Variants in CCDC3 observed in about 807,000 individuals in gnomAD.
CCDC3 encodes the protein coiled-coil domain-containing protein 3.
CCDC3 carries 24 observed loss-of-function variants against 21.4 expected under a neutral mutation model. That is an observed-to-expected ratio of 1.12 (90% CI 0.81 to 1.58). CCDC3 has a LOEUF of 1.58. CCDC3 is among the 40% of genes most tolerant of loss of function. The pLI, the probability that CCDC3 is intolerant of heterozygous loss-of-function variation, is 0.00. For missense variants in CCDC3, 425 were observed against 360.9 expected, an observed-to-expected ratio of 1.18 and a Z score of -1.44; for synonymous variants, 186 against 166.0, an observed-to-expected ratio of 1.12 and a Z score of -0.93.
chr10:12,907,970 C>T (rs981409939), intron 2 of CCDC3, among the ~76,000 whole-genome samples: 6 of 152,218 alleles, frequency 3.9e-5, no homozygotes, highest in African/African-American at 1.4e-4. Flanking sequence ...GCAGTAGCAG[C>T]TGGATGTGGG....
chr10:12,977,466 AT>A (rs557329367), intron 2 of CCDC3, among the ~76,000 whole-genome samples: 49 of 152,322 alleles, frequency 3.2e-4, no homozygotes, highest in African/African-American at 1.1e-3. Flanking sequence ...CCCCGACCCC[AT>A]AAAAGCTATT....
At chr10:13,094,574 A>T (rs1478633049) in intron 3 of CCDC3, among the ~76,000 whole-genome samples, 1 of 151,964 alleles carries the variant, frequency 6.6e-6, no homozygotes, top group Non-Finnish European at 1.5e-5. Flanking sequence ...ATTTTTAAAC[A>T]TGAGGCAGGC....
intron 2 of CCDC3, among the ~76,000 whole-genome samples, chr10:12,912,310 T>C (rs749996422): frequency 6.6e-6 from 1 of 152,256 alleles, no homozygotes; most frequent in Non-Finnish European, 1.5e-5. Flanking sequence ...TTTTTGGTAA[T>C]AGCCCTTCTA....
chr10:13,030,438 G>C (rs1006154060), intron 5 of CCDC3, among the ~76,000 whole-genome samples: 1 of 152,134 alleles, frequency 6.6e-6, no homozygotes, highest in Admixed American at 6.6e-5. Context: ...ATCAACTAAT[G>C]AGCAAAATAA....
chr10:13,014,927 AT>A (rs555385187), intron 5 of CCDC3, among the ~76,000 whole-genome samples: 57 of 152,284 alleles, frequency 3.7e-4, no homozygotes, highest in African/African-American at 1.3e-3. Context: ...AATAAAACAA[AT>A]CTTCGTTCAT....
At chr10:13,068,249 A>G (rs1214388729) in intron 4 of CCDC3, among the ~76,000 whole-genome samples, 1 of 152,128 alleles carries the variant, frequency 6.6e-6, no homozygotes, top group East Asian at 1.9e-4. Flanking sequence ...AAAAGGCAAC[A>G]CCCGGAAGCC....
At chr10:12,967,923 C>T (rs1051448582) in intron 2 of CCDC3, among the ~76,000 whole-genome samples, 6 of 152,158 alleles carry the variant, frequency 3.9e-5, no homozygotes, top group African/African-American at 1.2e-4. Context: ...ATAATCCCAG[C>T]GCTTTGGGAG....
chr10:12,915,129 T>C (rs960228245), intron 2 of CCDC3, among the ~76,000 whole-genome samples: 1 of 152,228 alleles, frequency 6.6e-6, no homozygotes, highest in Non-Finnish European at 1.5e-5. Context: ...TTTCCACATA[T>C]TTGGGAATTT....
chr10:12,984,166 G>C (rs1462712682), intron 2 of CCDC3, among the ~76,000 whole-genome samples: 1 of 152,036 alleles, frequency 6.6e-6, no homozygotes, highest in African/African-American at 2.4e-5. Flanking sequence ...ATGTGATAAG[G>C]GTTTAGTATC....
intron 5 of CCDC3, among the ~76,000 whole-genome samples, chr10:13,045,050 A>G (rs1044587757): frequency 6.6e-6 from 1 of 152,176 alleles, no homozygotes; most frequent in Non-Finnish European, 1.5e-5. Context: ...TTCAATTTAA[A>G]CATACACGAA....
At chr10:13,022,229 T>C (rs933550541) in intron 5 of CCDC3, among the ~76,000 whole-genome samples, 1 of 152,162 alleles carries the variant, frequency 6.6e-6, no homozygotes. Context: ...AGAAGCTATC[T>C]TCTCAAAGCA....
chr10:12,916,045 G>A (rs902332075), intron 2 of CCDC3, among the ~76,000 whole-genome samples: 1 of 152,082 alleles, frequency 6.6e-6, no homozygotes, highest in African/African-American at 2.4e-5. Flanking sequence ...CCAAGCACTC[G>A]ATTGTCCTGG....
intron 2 of CCDC3, among the ~76,000 whole-genome samples, chr10:12,931,087 T>G (rs1194611497): frequency 1.3e-5 from 2 of 151,802 alleles, no homozygotes; most frequent in Admixed American, 1.3e-4. Flanking sequence ...GGCCTGCGGC[T>G]GTAATCCCAG....
intron 3 of CCDC3, among the ~76,000 whole-genome samples, chr10:13,076,776 C>CT (rs1452013843): frequency 6.6e-6 from 1 of 152,238 alleles, no homozygotes; most frequent in East Asian, 1.9e-4. Context: ...CAACTTCCTC[C>CT]TTTCCCTTGT....
In CCDC3 at chr10:13,066,239, C is replaced by A. The variant is rs1836818609; in HGVS notation, c.-270+7629G>T. 2.0e-5 allele frequency among the ~76,000 whole-genome samples: 3 copies of A among 152,252 alleles called. No individual in the cohort carries two copies. In the South Asian group the frequency reaches 6.2e-4, roughly 32 times the overall value. ...ATGGTACGATCTTGGCCCACTGCAC[C>A]CTTGCCCTCCCGGGCTCAGGTGATT... is the stretch of plus-strand genomic sequence containing the variant. On this transcript the variant is annotated intron_variant, in intron 4 of 6. Transcript: ENST00000378839.
chr10:12,926,057 G>A (rs1564286513), intron 2 of CCDC3, among the ~76,000 whole-genome samples: 1 of 152,236 alleles, frequency 6.6e-6, no homozygotes. Flanking sequence ...CTGGCTGCCT[G>A]CTGACCCAGC....
At chr10:13,064,655 G>A (rs1021569759) in intron 4 of CCDC3, among the ~76,000 whole-genome samples, 9 of 152,102 alleles carry the variant, frequency 5.9e-5, no homozygotes, top group African/African-American at 1.9e-4. Flanking sequence ...GTATGGTGGT[G>A]GGTGCCTGTA....
At chr10:12,923,571 A>G (rs1178610749) in intron 2 of CCDC3, among the ~76,000 whole-genome samples, 1 of 152,036 alleles carries the variant, frequency 6.6e-6, no homozygotes, top group African/African-American at 2.4e-5. Flanking sequence ...TTTTGCATTA[A>G]TCCTGCAGAG....
chr10:12,929,870 C>A (rs1019543890), intron 2 of CCDC3, among the ~76,000 whole-genome samples: 1 of 151,954 alleles, frequency 6.6e-6, no homozygotes, highest in Non-Finnish European at 1.5e-5. Context: ...AATGCTGTAC[C>A]AAAGCAAGCT....
Sources: gnomAD v4.1 joint callset for allele counts (sites outside exome capture counted in the v4.1 genomes callset) on GRCh38, gnomAD v4.1.1 for gene constraint, MANE v1.5 for transcripts, NCBI Gene and HGNC (gene_info 2026-07-23, HGNC 2026-07-21) for gene names.